Variants in CCBE1 observed in about 807,000 individuals in gnomAD.
CCBE1 encodes collagen and calcium binding EGF domains 1.
A neutral mutation model predicts 50.0 loss-of-function variants in CCBE1; 37 were observed. The ratio of observed to expected loss-of-function variants is 0.74; its 90% CI spans 0.57 to 0.97. CCBE1 has a LOEUF of 0.97. CCBE1 is among the 50% of genes least tolerant of loss of function. The pLI is 0.00. For synonymous variants in CCBE1, 234 were observed against 203.7 expected, an observed-to-expected ratio of 1.15 and a Z score of -1.27; for missense variants, 538 against 523.8, an observed-to-expected ratio of 1.03 and a Z score of -0.26.
At chr18:59,518,989 A>AC (rs1914488342) in intron 2 of CCBE1, among the ~76,000 whole-genome samples, 1 of 152,154 alleles carries the variant, frequency 6.6e-6, no homozygotes, top group African/African-American at 2.4e-5. Flanking sequence ...CTTGCTTCTG[A>AC]CCACTCTACT....
rs114314496 is a variant in CCBE1 at position 59,570,506 on chromosome 18, G to A, written c.213-90268C>T. ...TGGCTGTAACACTTCTGGATTCTGC[G>A]AGACTTTGCATACATTCTCTTGGAT... On this transcript the variant is annotated intron_variant, in intron 2 of 10. Transcript: ENST00000439986. Among the ~76,000 whole-genome samples, 1,292 of 152,284 alleles carry A rather than the reference G, an allele frequency of 8.5e-3. 22 individuals are homozygous for A. Among genetic ancestry groups the A allele is most frequent in the African/African-American group, 0.029 (1,192 of 41,546 alleles).
At chr18:59,481,656 G>A (rs1912576398) in intron 2 of CCBE1, among the ~76,000 whole-genome samples, 1 of 152,186 alleles carries the variant, frequency 6.6e-6, no homozygotes, top group South Asian at 2.1e-4. Context: ...CCAGAAGACA[G>A]TGATATGACA....
At chr18:59,553,479 C>T (rs1916001044) in intron 2 of CCBE1, among the ~76,000 whole-genome samples, 1 of 152,212 alleles carries the variant, frequency 6.6e-6, no homozygotes, top group Non-Finnish European at 1.5e-5. Flanking sequence ...TGGAAATCAA[C>T]AGATGGGCTG....
At chr18:59,685,617 C>A (rs182058712) in intron 2 of CCBE1, among the ~76,000 whole-genome samples, 3 of 152,316 alleles carry the variant, frequency 2.0e-5, no homozygotes, top group African/African-American at 7.2e-5. Context: ...TGGTGCCTGG[C>A]AACCACCTCC....
intron 5 of CCBE1, among the ~76,000 whole-genome samples, chr18:59,466,371 G>T (rs1003989366): frequency 6.6e-6 from 1 of 151,906 alleles, no homozygotes; most frequent in Non-Finnish European, 1.5e-5. Context: ...CGTGTAAGAC[G>T]TGCCTTTGCT....
rs148640649 is a variant in CCBE1, at chr18:59,482,593, C to T, written c.213-2355G>A. Among the ~76,000 whole-genome samples, 535 of 152,232 alleles carry T rather than the reference C, an allele frequency of 3.5e-3. 3 individuals are homozygous for T. Among genetic ancestry groups the T allele is most frequent in the Non-Finnish European group, 6.3e-3 (430 of 68,016 alleles). On this transcript the variant is annotated intron_variant, in intron 2 of 10. Coordinates refer to ENST00000439986, the MANE Select transcript of CCBE1 (RefSeq NM_133459.4). ...ACATTGTCTTACAAGGTTTATAATG[C>T]ATGTAGTTGCAATAAATATGACAAC...
chr18:59,689,276 G>C (rs1173915191), intron 2 of CCBE1, among the ~76,000 whole-genome samples: 1 of 152,206 alleles, frequency 6.6e-6, no homozygotes, highest in Non-Finnish European at 1.5e-5. Flanking sequence ...AGGATGAGAA[G>C]CTTCACTCCA....
In CCBE1 at chr18:59,431,025, T is replaced by G. The variant is rs975986210; in HGVS notation, c.*4883A>C. 4 of 152,194 alleles carry G rather than the reference T, an allele frequency of 2.6e-5. No individual in the cohort carries two copies. The highest frequency in any genetic ancestry group is 5.9e-5 in the Non-Finnish European group (4 of 68,026). The allele number at this position is 152,194 out of a possible 1,614,324, so 9.4% of individuals were successfully genotyped here. ...CATCCATAATTGCTTGAATGCTAAC[T>G]TGACTGTTACATGGACCTGTTACAA... On this transcript the variant is annotated 3_prime_UTR_variant, in exon 11 of 11. Coordinates refer to ENST00000439986, the MANE Select transcript of CCBE1 (RefSeq NM_133459.4).
chr18:59,587,651 A>G (rs1449920400), intron 2 of CCBE1, among the ~76,000 whole-genome samples: 1 of 152,212 alleles, frequency 6.6e-6, no homozygotes, highest in Non-Finnish European at 1.5e-5. Flanking sequence ...TCTAGGACGC[A>G]TTTGTCTAAT....
intron 2 of CCBE1, among the ~76,000 whole-genome samples, chr18:59,489,243 G>A (rs1912973794): frequency 6.6e-6 from 1 of 152,200 alleles, no homozygotes; most frequent in Non-Finnish European, 1.5e-5. Flanking sequence ...ACAAGGCTGA[G>A]AACATGCTTG....
intron 2 of CCBE1, among the ~76,000 whole-genome samples, chr18:59,580,729 C>G (rs1358863694): frequency 1.3e-5 from 2 of 152,124 alleles, no homozygotes; most frequent in South Asian, 2.1e-4. Flanking sequence ...ACTGTTTGCT[C>G]ACTTCCAACA....
At chr18:59,500,371 C>G (rs927387013) in intron 2 of CCBE1, among the ~76,000 whole-genome samples, 1 of 152,212 alleles carries the variant, frequency 6.6e-6, no homozygotes, top group African/African-American at 2.4e-5. Context: ...GGAATGAAGT[C>G]TTCGGAGGAA....
intron 2 of CCBE1, among the ~76,000 whole-genome samples, chr18:59,485,797 C>T (rs987096116): frequency 2.4e-4 from 37 of 151,858 alleles, no homozygotes; most frequent in African/African-American, 8.2e-4. Context: ...GACAGGGTTT[C>T]GCCATGTTGG....
chr18:59,537,631 AT>A (rs1328808282), intron 2 of CCBE1, among the ~76,000 whole-genome samples: 1 of 152,184 alleles, frequency 6.6e-6, no homozygotes, highest in East Asian at 1.9e-4. Flanking sequence ...AGTCTTGGGT[AT>A]GTCTTCATCA....
chr18:59,675,933 A>G (rs2054495449), intron 2 of CCBE1, among the ~76,000 whole-genome samples: 1 of 152,228 alleles, frequency 6.6e-6, no homozygotes, highest in South Asian at 2.1e-4. Flanking sequence ...GTATTTGGTT[A>G]GGACAAATAA....
intron 2 of CCBE1, among the ~76,000 whole-genome samples, chr18:59,517,188 G>T (rs1914410012): frequency 6.6e-6 from 1 of 152,168 alleles, no homozygotes; most frequent in African/African-American, 2.4e-5. Context: ...TGAAAAATGG[G>T]TGTAGACAAC....
At chr18:59,538,935 T>C (rs987874906) in intron 2 of CCBE1, among the ~76,000 whole-genome samples, 2 of 152,142 alleles carry the variant, frequency 1.3e-5, no homozygotes, top group African/African-American at 4.8e-5. Flanking sequence ...CCCAGCACTT[T>C]GGGAGGCTGA....
chr18:59,581,633 G>T lies in CCBE1; in HGVS notation c.213-101395C>A, dbSNP rs189949232. On this transcript the variant is annotated intron_variant, in intron 2 of 10. Coordinates refer to ENST00000439986, the MANE Select transcript of CCBE1 (RefSeq NM_133459.4). ...TAACCTAAGGAAAAGAAGAATAAAA[G>T]GGGGCTTTCTGGTTTCTCCAAATAC... 2.4e-4 allele frequency among the ~76,000 whole-genome samples: 37 copies of T among 152,196 alleles called. 1 individual carries two copies. Among genetic ancestry groups the T allele is most frequent in the Admixed American group, 1.8e-3 (27 of 15,282 alleles).
intron 2 of CCBE1, among the ~76,000 whole-genome samples, chr18:59,629,644 G>A (rs948726709): frequency 6.6e-6 from 1 of 152,194 alleles, no homozygotes; most frequent in African/African-American, 2.4e-5. Context: ...CCATCAAGAA[G>A]TCACTTGCTT....
Sources: allele counts gnomAD v4.1 joint callset (sites outside exome capture counted in the v4.1 genomes callset), GRCh38; gene constraint gnomAD v4.1.1; transcripts MANE v1.5; gene names NCBI Gene and HGNC (gene_info 2026-07-23, HGNC 2026-07-21).